SIPA1L3: variants seen among roughly 807,000 people sequenced by gnomAD.
The protein encoded by SIPA1L3 is signal-induced proliferation-associated 1-like protein 3.
A neutral mutation model predicts 150.1 loss-of-function variants in SIPA1L3; 59 were observed. The ratio of observed to expected loss-of-function variants is 0.39; its 90% CI spans 0.32 to 0.49. The LOEUF is 0.49. Ranked by LOEUF, SIPA1L3 falls within the 20% of genes least tolerant of loss-of-function variation. The pLI, the probability that SIPA1L3 is intolerant of heterozygous loss-of-function variation, is 0.86. For synonymous variants in SIPA1L3, 1,070 were observed against 1,077.6 expected (o/e 0.99, Z 0.14); for missense variants, 2,211 against 2,489.5 (o/e 0.89, Z 2.38).
At chr19:38,130,913 A>G (rs941709139) in intron 10 of SIPA1L3, 141 bp downstream of exon 10, 3 of 888,414 alleles carry the variant, frequency 3.4e-6, no homozygotes, top group South Asian at 1.8e-5. Flanking sequence ...GGCAACAGTG[A>G]CAGGACGGGG....
chr19:38,063,421 C>T (rs968177262), intron 2 of SIPA1L3, among the ~76,000 whole-genome samples: 17 of 152,192 alleles, frequency 1.1e-4, no homozygotes, highest in African/African-American at 2.9e-4. Context: ...ACCCTCAGCC[C>T]GGCCCCCAGC....
intron 1 of SIPA1L3, among the ~76,000 whole-genome samples, chr19:37,944,422 G>A (rs2046690979): frequency 6.6e-6 from 1 of 152,208 alleles, no homozygotes; most frequent in Non-Finnish European, 1.5e-5. Flanking sequence ...GAGCCAGGGT[G>A]CCTGGGTTCA....
Position 38,164,460 on chromosome 19 carries a change from C to G in SIPA1L3, c.3781-19C>G. The stretch of plus-strand genomic sequence containing the variant: ...CCTGCCCTGGAGTCTGGGAATGACA[C>G]GCTTCTCTTGCCTCTCAGGGAGAAC... On this transcript the variant is annotated intron_variant, in intron 14 of 21. Transcript: ENST00000222345. This position sits in a 1 kb window ranked among gnomAD's most constrained non-coding sequence, Gnocchi z 4.1. 1 of 1,582,410 alleles carries G rather than the reference C, an allele frequency of 6.3e-7. No individual in the cohort carries two copies. The highest frequency in any genetic ancestry group is 1.7e-5 in the Admixed American group (1 of 58,596).
At chr19:37,956,323 T>C (rs2046810315) in intron 1 of SIPA1L3, among the ~76,000 whole-genome samples, 1 of 152,228 alleles carries the variant, frequency 6.6e-6, no homozygotes, top group African/African-American at 2.4e-5. Flanking sequence ...TGGTGAAATA[T>C]GTATTTGTAT....
At position 38,092,912 on chromosome 19, in the gene SIPA1L3, G is replaced by T. The variant is rs185205574; in HGVS notation, c.1665+4061G>T. On this transcript the variant is annotated intron_variant, in intron 4 of 21. Coordinates refer to ENST00000222345, the MANE Select transcript of SIPA1L3 (RefSeq NM_015073.3). The stretch of plus-strand genomic sequence containing the variant: ...TCTAGCTTTGTTCCCCAGGCTGGAG[G>T]GCAGTGGCGTGATCTCTGCTCACCA... 8.4e-4 allele frequency among the ~76,000 whole-genome samples: 126 copies of T among 150,574 alleles called. 3 individuals carry two copies. In the East Asian group the frequency reaches 0.018, roughly 21 times the overall value.
At chr19:38,172,265 G>A (rs1972344043) in intron 15 of SIPA1L3, among the ~76,000 whole-genome samples, 1 of 152,192 alleles carries the variant, frequency 6.6e-6, no homozygotes, top group Non-Finnish European at 1.5e-5. Context: ...GTGTCTGGAG[G>A]CTGCCGTGGC....
At chr19:38,133,866 T>C (rs917386695) in intron 10 of SIPA1L3, among the ~76,000 whole-genome samples, 1 of 152,158 alleles carries the variant, frequency 6.6e-6, no homozygotes, top group Non-Finnish European at 1.5e-5. Flanking sequence ...CCCAGTGAAT[T>C]TGTGACTGTG....
chr19:38,001,840 T>C (rs1384680505), intron 1 of SIPA1L3, among the ~76,000 whole-genome samples: 2 of 152,366 alleles, frequency 1.3e-5, no homozygotes, highest in East Asian at 3.9e-4. Context: ...AAATTTTTTT[T>C]ATATTTTATA....
At chr19:38,141,079 A>AGC in intron 10 of SIPA1L3, 105 bp from the exon 11 acceptor site, 2 of 1,047,750 alleles carry the variant, frequency 1.9e-6, no homozygotes, top group Non-Finnish European at 2.7e-6. Context: ...AAAAAAAAAA[A>AGC]AAAGCCATCC....
chr19:37,994,251 C>T (rs575370649), intron 1 of SIPA1L3, among the ~76,000 whole-genome samples: 1 of 152,274 alleles, frequency 6.6e-6, no homozygotes, highest in Admixed American at 6.5e-5. Context: ...ATGGCTATTT[C>T]TGCATTGGGT....
intron 15 of SIPA1L3, among the ~76,000 whole-genome samples, chr19:38,168,635 A>G (rs1283649276): frequency 6.6e-6 from 1 of 151,980 alleles, no homozygotes; most frequent in African/African-American, 2.4e-5. Flanking sequence ...AACTGGGAGG[A>G]TTTGAAATCC....
chr19:38,141,443 C>T lies in SIPA1L3; in HGVS notation c.3395+8C>T. ...GCCACTGCACAGCAAGAGGTAAGCA[C>T]CTGCTGGGGGGACCAATACTTCCCA... On this transcript the variant is annotated splice_region_variant and intron_variant, in intron 11 of 21. Coordinates refer to ENST00000222345, the MANE Select transcript of SIPA1L3 (RefSeq NM_015073.3). 6.2e-7 allele frequency: 1 copy of T among 1,603,638 alleles called. No individual in the cohort carries two copies. Among genetic ancestry groups the T allele is most frequent in the Non-Finnish European group, 8.5e-7 (1 of 1,178,856 alleles).
At chr19:38,177,644 C>A (rs930284495) in intron 15 of SIPA1L3, among the ~76,000 whole-genome samples, 2 of 152,132 alleles carry the variant, frequency 1.3e-5, no homozygotes, top group Admixed American at 6.6e-5. Context: ...TACCATGCAT[C>A]GTTTCCATTT....
rs531077327 is a variant in SIPA1L3, at chr19:37,958,567, G to A, written c.-379+51209G>A. ...AGTTAAAATTATAAAATTCTTAGAAGAAAACATAAGATTATATATTTGTGA... is the reference window on the plus strand; with the variant it reads ...AGTTAAAATTATAAAATTCTTAGAAAAAAACATAAGATTATATATTTGTGA... On this transcript the variant is annotated intron_variant, in intron 1 of 21. Coordinates refer to ENST00000222345, the MANE Select transcript of SIPA1L3 (RefSeq NM_015073.3). 3.3e-5 allele frequency among the ~76,000 whole-genome samples: 5 copies of A among 152,244 alleles called. No individual in the cohort carries two copies. In the South Asian group the frequency reaches 1.0e-3, roughly 32 times the overall value.
intron 2 of SIPA1L3, among the ~76,000 whole-genome samples, chr19:38,056,525 G>A (rs938090497): frequency 3.9e-5 from 6 of 152,126 alleles, no homozygotes; most frequent in African/African-American, 1.4e-4. Context: ...TCCTTCGTCA[G>A]TTTACCCCTT....
chr19:38,111,115 C>A (rs1056614321), intron 8 of SIPA1L3, among the ~76,000 whole-genome samples: 2 of 151,814 alleles, frequency 1.3e-5, no homozygotes, highest in Admixed American at 6.6e-5. Context: ...CCTTGACCCC[C>A]CCGGGCTCAA....
intron 6 of SIPA1L3, among the ~76,000 whole-genome samples, chr19:38,103,646 C>T (rs1970556441): frequency 6.7e-6 from 1 of 149,962 alleles, no homozygotes; most frequent in African/African-American, 2.5e-5. Flanking sequence ...AAAAAGGGGC[C>T]GGGCGCGGTG....
chr19:38,118,388 G>T, intron 8 of SIPA1L3, among the ~76,000 whole-genome samples: 1 of 110,134 alleles, frequency 9.1e-6, no homozygotes, highest in African/African-American at 3.7e-5. Context: ...TTGCGCCACT[G>T]CCCTGAGGGA....
In SIPA1L3 at chr19:38,164,002, G is replaced by A. The variant is rs546682856; in HGVS notation, c.3781-477G>A. Among the ~76,000 whole-genome samples the A allele has an allele frequency of 5.3e-5, 8 of 152,316 alleles. No individual in the cohort carries two copies. Among genetic ancestry groups the A allele is most frequent in the South Asian group, 2.1e-4 (1 of 4,824 alleles). On this transcript the variant is annotated intron_variant, in intron 14 of 21. Transcript: ENST00000222345. This position sits in a 1 kb window ranked among gnomAD's most constrained non-coding sequence, Gnocchi z 4.1. ...AGGACAGGCATGGACAGGACCACGC[G>A]GAGCCGTGGAGCAGGAAGTGACAGG... is the stretch of plus-strand genomic sequence containing the variant.
Sources: allele counts gnomAD v4.1 joint callset (sites outside exome capture counted in the v4.1 genomes callset), GRCh38; gene constraint gnomAD v4.1.1; non-coding constraint Gnocchi (gnomAD v3.1); transcripts MANE v1.5; gene names NCBI Gene and HGNC (gene_info 2026-07-23, HGNC 2026-07-21).